The following USP36 variants were observed in gnomAD, a reference collection of about 807,000 sequenced individuals.
USP36 encodes ubiquitin carboxyl-terminal hydrolase 36.
Under a neutral mutation model 111.5 loss-of-function variants are expected in USP36, and 59 were observed. The ratio of observed to expected loss-of-function variants is 0.53; its 90% CI spans 0.43 to 0.66. The LOEUF is 0.66. Ranked by LOEUF, USP36 falls within the 30% of genes least tolerant of loss-of-function variation. USP36 has a pLI of 0.00. For synonymous variants in USP36, 628 were observed against 581.0 expected (o/e 1.08, Z -1.16); for missense variants, 1,488 against 1,468.0 (o/e 1.01, Z -0.22).
chr17:78,812,260 G>A (rs2145214257), intron 13 of USP36, among the ~76,000 whole-genome samples: 1 of 152,282 alleles, frequency 6.6e-6, no homozygotes. Context: ...TGGCACACCT[G>A]TCACGACACC....
chr17:78,796,062 G>T lies in USP36; in HGVS notation c.*1838C>A, dbSNP rs567188337. ...ACTCCACCCAACAGTGATAAACGCT[G>T]CAGAAAGTCATCTCGTGCTCACCAC... On this transcript the variant is annotated 3_prime_UTR_variant, in exon 21 of 21. Transcript: ENST00000449938. 6 of 152,288 alleles carry T rather than the reference G, an allele frequency of 3.9e-5. 1 individual carries two copies. In the East Asian group the frequency reaches 1.2e-3, roughly 29 times the overall value. 9.4% of individuals were successfully genotyped at this position (152,288 alleles called of 1,614,324 possible).
intron 13 of USP36, among the ~76,000 whole-genome samples, 155 bp from the exon 14 acceptor site, chr17:78,807,791 G>C (rs1237707602): frequency 6.6e-6 from 1 of 152,216 alleles, no homozygotes; most frequent in Admixed American, 6.5e-5. Flanking sequence ...TAAAGACACT[G>C]TGGCTTCTCT....
intron 10 of USP36, among the ~76,000 whole-genome samples, chr17:78,815,876 T>C (rs186109542): frequency 6.6e-6 from 1 of 152,092 alleles, no homozygotes; most frequent in African/African-American, 2.4e-5. Flanking sequence ...TGTACGCATA[T>C]ACATACATGC....
downstream of USP36, among the ~76,000 whole-genome samples, chr17:78,793,698 T>TTGAGGCAGAATC (rs369863151): frequency 6.6e-6 from 1 of 151,700 alleles, no homozygotes; most frequent in Non-Finnish European, 1.5e-5. Flanking sequence ...CTACCAAGAC[T>TTGAGGCAGAATC]TGAGGCAGGG....
chr17:78,810,534 C>T (rs1022113099), intron 13 of USP36, among the ~76,000 whole-genome samples: 2 of 152,146 alleles, frequency 1.3e-5, no homozygotes, highest in African/African-American at 4.8e-5. Flanking sequence ...CCCACATCGG[C>T]TTCCCAAAGT....
At chr17:78,837,832 A>G (rs1371331908) in intron 2 of USP36, among the ~76,000 whole-genome samples, 1 of 152,198 alleles carries the variant, frequency 6.6e-6, no homozygotes, top group East Asian at 1.9e-4. Flanking sequence ...GAAAGTAAGG[A>G]CTTCCTCCAG....
At chr17:78,805,370 TTG>T (rs1340634160) in intron 15 of USP36, among the ~76,000 whole-genome samples, 2 of 152,134 alleles carry the variant, frequency 1.3e-5, no homozygotes, top group Non-Finnish European at 2.9e-5. Context: ...AGAGGTGTGC[TTG>T]TGTGTGTATA....
rs906711189 is a variant in USP36, at chr17:78,818,836, T to C, written c.912-58A>G. On this transcript the variant is annotated intron_variant, in intron 9 of 20. Transcript: ENST00000449938. Reference sequence around the variant, plus strand: ...TGATTGATTCGTGCTCTGAAAAATGTTGTCTTAACGCTAAGTTAATAACAG... The same window carrying C: ...TGATTGATTCGTGCTCTGAAAAATGCTGTCTTAACGCTAAGTTAATAACAG... 27 of 1,580,878 alleles carry C rather than the reference T, an allele frequency of 1.7e-5. No individual in the cohort carries two copies. In the African/African-American group the frequency reaches 2.0e-4, roughly 12 times the overall value.
chr17:78,814,960 C>T (rs962646501), intron 10 of USP36, among the ~76,000 whole-genome samples: 32 of 151,166 alleles, frequency 2.1e-4, no homozygotes, highest in Non-Finnish European at 2.5e-4. Flanking sequence ...AACTGCCCCG[C>T]CACAAACAAG....
chr17:78,827,439 T>C, intron 5 of USP36, 92 bp from the exon 6 acceptor site: 2 of 1,269,388 alleles, frequency 1.6e-6, no homozygotes, highest in East Asian at 2.5e-5. Flanking sequence ...CTGGCTGTTA[T>C]AAGGGGAAAA....
chr17:78,813,986 T>C, intron 11 of USP36, 113 bp from the exon 12 acceptor site: 1 of 871,590 alleles, frequency 1.1e-6, no homozygotes, highest in Non-Finnish European at 1.8e-6. Context: ...CCAAACACTA[T>C]TAATAATCAA....
chr17:78,833,335 G>A (rs549025383), intron 4 of USP36, among the ~76,000 whole-genome samples: 76 of 152,042 alleles, frequency 5.0e-4, no homozygotes, highest in African/African-American at 1.8e-3. Context: ...AGGCTAAAGT[G>A]CAGTGGTGTG....
chr17:78,824,947 A>T (rs1364417383), intron 6 of USP36, among the ~76,000 whole-genome samples: 1 of 152,258 alleles, frequency 6.6e-6, no homozygotes, highest in Non-Finnish European at 1.5e-5. Context: ...TGCTAAAAGC[A>T]ACGATCCTCA....
downstream of USP36, among the ~76,000 whole-genome samples, chr17:78,791,408 C>T (rs185050395): frequency 6.6e-6 from 1 of 152,088 alleles, no homozygotes; most frequent in Non-Finnish European, 1.5e-5. Context: ...CATGAGCCAC[C>T]GTGCCCGGCC....
Position 78,812,993 on chromosome 17 carries a change from C to T in USP36, c.1274G>A (p.Gly425Asp). The T allele has an allele frequency of 6.2e-7, 1 of 1,613,896 alleles. No individual in the cohort carries two copies. ...GAGGCCCTCGGGACTTTTCTTAGAG[C>T]CTGGAATTCTGTCAAAGGAAGAAAA... ...AYVLFYLRIPGSKKSPEGLIS... is the reference protein window; with the variant it reads ...AYVLFYLRIPDSKKSPEGLIS... Residue 425 changes from glycine (G) to aspartate (D), a missense_variant, in exon 13 of 21, where the codon GGC becomes GAC. Coordinates refer to ENST00000449938, the MANE Select transcript of USP36 (RefSeq NM_001385174.1).
At chr17:78,806,864 C>T (rs1021390487) in intron 14 of USP36, 95 bp downstream of exon 14, 9 of 1,501,606 alleles carry the variant, frequency 6.0e-6, no homozygotes, top group Admixed American at 4.1e-5. Flanking sequence ...GAGGCCAAAG[C>T]CCCCGGACAA....
chr17:78,832,782 G>A (rs1399624124), intron 4 of USP36, among the ~76,000 whole-genome samples: 2 of 152,128 alleles, frequency 1.3e-5, no homozygotes, highest in Non-Finnish European at 1.5e-5. Flanking sequence ...AAATCTTACT[G>A]AAAGTCCACC....
At chr17:78,788,599 C>T (rs1268086307) in intron 3 of USP36, among the ~76,000 whole-genome samples, 1 of 151,370 alleles carries the variant, frequency 6.6e-6, no homozygotes, top group Non-Finnish European at 1.5e-5. Flanking sequence ...GGACTGATGC[C>T]CACCCTGACC....
chr17:78,815,293 C>T (rs2094153176), intron 10 of USP36, among the ~76,000 whole-genome samples: 1 of 152,192 alleles, frequency 6.6e-6, no homozygotes. Flanking sequence ...GATCATACCA[C>T]TGCACTCCAG....
Sources: allele counts gnomAD v4.1 joint callset (sites outside exome capture counted in the v4.1 genomes callset), GRCh38; gene constraint gnomAD v4.1.1; transcripts MANE v1.5; gene names NCBI Gene and HGNC (gene_info 2026-07-23, HGNC 2026-07-21).